PTH2R: variants seen among roughly 807,000 people sequenced by gnomAD.
The protein encoded by PTH2R is PTH2 receptor.
Under a neutral mutation model 60.3 loss-of-function variants are expected in PTH2R, and 59 were observed. The ratio of observed to expected loss-of-function variants is 0.98; its 90% CI spans 0.79 to 1.22. PTH2R has a LOEUF of 1.22. Ranked by LOEUF, PTH2R falls within the 50% of genes most tolerant of loss-of-function variation. The probability of loss-of-function intolerance (pLI) is 0.00; values close to 1 mark genes in which losing one functional copy is unlikely to be tolerated. For synonymous variants in PTH2R, 256 were observed against 243.8 expected (o/e 1.05, Z -0.47); for missense variants, 749 against 682.6 (o/e 1.10, Z -1.08).
Position 208,437,639 on chromosome 2 carries a change from A to T in PTH2R, c.281A>T (p.Asn94Ile). The T allele has an allele frequency of 6.2e-7, 1 of 1,610,678 alleles. No homozygotes were observed. Among genetic ancestry groups the T allele is most frequent in the Non-Finnish European group, 8.5e-7 (1 of 1,178,640 alleles). ...VPCPPYIYDF[N>I]HKGVAFRHCN... The stretch of plus-strand genomic sequence containing the variant: ...TGCCCTCCTTATATTTATGACTTCA[A>T]CCATAAAGGTATTGAATTTTTCTAA... The change falls in exon 3 of 13, where the codon AAC (asparagine) becomes ATC (isoleucine). Residue 94 changes from asparagine to isoleucine, a missense_variant. Asn to Ile is a moderately radical substitution (Grantham distance 149). Coordinates refer to ENST00000272847, the MANE Select transcript of PTH2R (RefSeq NM_005048.4).
chr2:208,386,397 G>GT (rs1460852501), intron 1 of PTH2R, among the ~76,000 whole-genome samples: 2 of 152,178 alleles, frequency 1.3e-5, no homozygotes, highest in Non-Finnish European at 2.9e-5. Context: ...CTTGTGTACT[G>GT]TATCTTGACT....
chr2:208,462,989 A>C (rs1265575059), intron 9 of PTH2R, among the ~76,000 whole-genome samples: 1 of 152,198 alleles, frequency 6.6e-6, no homozygotes, highest in East Asian at 1.9e-4. Flanking sequence ...GAAAGATCTC[A>C]GGGCTTCGTT....
At chr2:208,427,346 C>A (rs1161877590) in intron 1 of PTH2R, among the ~76,000 whole-genome samples, 1 of 152,178 alleles carries the variant, frequency 6.6e-6, no homozygotes, top group Non-Finnish European at 1.5e-5. Flanking sequence ...ATATCCAGTT[C>A]ATTTGCTCTT....
chr2:208,436,093 A>G (rs1702070017), intron 2 of PTH2R, among the ~76,000 whole-genome samples: 1 of 152,232 alleles, frequency 6.6e-6, no homozygotes, highest in Non-Finnish European at 1.5e-5. Context: ...TTGAGACAAA[A>G]CAGGCAAAAA....
intron 1 of PTH2R, among the ~76,000 whole-genome samples, chr2:208,388,885 A>C (rs1325759006): frequency 2.0e-5 from 3 of 152,170 alleles, no homozygotes; most frequent in African/African-American, 7.2e-5. Context: ...ACAGCAGGGG[A>C]GAGAATACTA....
At chr2:208,479,824 A>G (rs1023703836) in intron 9 of PTH2R, among the ~76,000 whole-genome samples, 4 of 152,232 alleles carry the variant, frequency 2.6e-5, no homozygotes, top group Admixed American at 6.5e-5. Context: ...TCTTTGAGCT[A>G]AAGTTTCTTC....
intron 1 of PTH2R, among the ~76,000 whole-genome samples, chr2:208,391,948 T>C (rs940107684): frequency 2.0e-5 from 3 of 152,196 alleles, no homozygotes; most frequent in Non-Finnish European, 2.9e-5. Context: ...AGACCCTAAC[T>C]TGAGTATGAG....
intron 1 of PTH2R, among the ~76,000 whole-genome samples, chr2:208,417,275 G>A (rs1311777979): frequency 6.6e-6 from 1 of 152,098 alleles, no homozygotes; most frequent in African/African-American, 2.4e-5. Context: ...TGTAAAATTA[G>A]TCTTTTTTGC....
intron 10 of PTH2R, among the ~76,000 whole-genome samples, chr2:208,484,911 C>A (rs1703237933): frequency 6.6e-6 from 1 of 152,130 alleles, no homozygotes; most frequent in Non-Finnish European, 1.5e-5. Context: ...TGGGATGTAA[C>A]AGGAGCATGG....
chr2:208,386,449 T>C (rs1331659571), intron 1 of PTH2R, among the ~76,000 whole-genome samples: 1 of 152,198 alleles, frequency 6.6e-6, no homozygotes, highest in African/African-American at 2.4e-5. Context: ...GGCATAAATA[T>C]GTGGAGCTCT....
At chr2:208,372,644 A>T (rs990803065) in intron 1 of PTH2R, among the ~76,000 whole-genome samples, 1 of 152,100 alleles carries the variant, frequency 6.6e-6, no homozygotes, top group African/African-American at 2.4e-5. Context: ...ACTAAAAAAC[A>T]TATTTGAAAT....
At chr2:208,415,591 G>C (rs1701625050) in intron 1 of PTH2R, among the ~76,000 whole-genome samples, 1 of 152,192 alleles carries the variant, frequency 6.6e-6, no homozygotes, top group Non-Finnish European at 1.5e-5. Context: ...CATAGTGTAT[G>C]TGGATTTTTT....
chr2:208,440,619 G>T (rs1294676898), intron 4 of PTH2R, among the ~76,000 whole-genome samples: 2 of 152,146 alleles, frequency 1.3e-5, no homozygotes, highest in Non-Finnish European at 2.9e-5. Flanking sequence ...TGAGAGAAGA[G>T]ACCCATGGCT....
At chr2:208,422,136 G>A (rs1701768638) in intron 1 of PTH2R, among the ~76,000 whole-genome samples, 1 of 152,162 alleles carries the variant, frequency 6.6e-6, no homozygotes, top group African/African-American at 2.4e-5. Context: ...TAGAGAAGAT[G>A]AGATGAAATG....
At chr2:208,372,123 A>G (rs1187440069) in intron 1 of PTH2R, among the ~76,000 whole-genome samples, 1 of 152,028 alleles carries the variant, frequency 6.6e-6, no homozygotes, top group Admixed American at 6.6e-5. Flanking sequence ...GGGTTTCACC[A>G]TGTTGGCCAG....
intron 2 of PTH2R, among the ~76,000 whole-genome samples, chr2:208,429,797 T>C (rs1224749979): frequency 3.3e-5 from 5 of 152,218 alleles, no homozygotes; most frequent in Non-Finnish European, 7.3e-5. Flanking sequence ...TATTAAACTT[T>C]TCTGTATATT....
chr2:208,465,895 A>ATTTTT (rs1574898917), intron 9 of PTH2R, among the ~76,000 whole-genome samples: 1 of 151,028 alleles, frequency 6.6e-6, no homozygotes, highest in African/African-American at 2.4e-5. Context: ...TTTTTTTTTA[A>ATTTTT]AAATCCAAAT....
At chr2:208,465,709 T>C (rs1359474310) in intron 9 of PTH2R, among the ~76,000 whole-genome samples, 1 of 152,072 alleles carries the variant, frequency 6.6e-6, no homozygotes, top group African/African-American at 2.4e-5. Flanking sequence ...CCAACTCCTT[T>C]TTTTTTAAAA....
chr2:208,427,895 A>G (rs1701889496), intron 1 of PTH2R, among the ~76,000 whole-genome samples: 1 of 150,748 alleles, frequency 6.6e-6, no homozygotes, highest in African/African-American at 2.4e-5. Context: ...TATTTTAAAT[A>G]TTTTTTCTTA....
Sources: gnomAD v4.1 joint callset for allele counts (sites outside exome capture counted in the v4.1 genomes callset) on GRCh38, gnomAD v4.1.1 for gene constraint, MANE v1.5 for transcripts, NCBI Gene and HGNC (gene_info 2026-07-23, HGNC 2026-07-21) for gene names.